AGBL4: variants seen among roughly 807,000 people sequenced by gnomAD.
AGBL4 encodes cytosolic carboxypeptidase 6.
AGBL4 carries 58 observed loss-of-function variants against 66.4 expected under a neutral mutation model. The observed-to-expected ratio is 0.87, with a 90% CI of 0.71 to 1.09. The LOEUF (loss-of-function observed/expected upper bound fraction) is 1.09. Ranked by LOEUF, AGBL4 falls within the 50% of genes least tolerant of loss-of-function variation. The pLI is 0.00. For synonymous variants in AGBL4, 234 were observed against 222.9 expected (o/e 1.05, Z -0.44); for missense variants, 579 against 631.0 (o/e 0.92, Z 0.88).
intron 3 of AGBL4, among the ~76,000 whole-genome samples, chr1:49,409,229 C>T (rs1398250694): frequency 6.6e-6 from 1 of 151,248 alleles, no homozygotes; most frequent in Non-Finnish European, 1.5e-5. Flanking sequence ...TTTGTTGCAA[C>T]CCACATATGT....
At chr1:49,743,171 T>A (rs1650680039) in intron 2 of AGBL4, among the ~76,000 whole-genome samples, 2 of 152,012 alleles carry the variant, frequency 1.3e-5, no homozygotes, top group African/African-American at 2.4e-5. Flanking sequence ...AGGGCTAACA[T>A]CCGGAATCTA....
At chr1:48,714,305 A>G (rs1647013326) in intron 6 of AGBL4, among the ~76,000 whole-genome samples, 1 of 152,118 alleles carries the variant, frequency 6.6e-6, no homozygotes, top group South Asian at 2.1e-4. Context: ...TGGCCCCTCC[A>G]CAGTGCCACC....
intron 6 of AGBL4, among the ~76,000 whole-genome samples, chr1:48,836,295 CAAA>C (rs33961883): frequency 4.4e-4 from 44 of 100,634 alleles, no homozygotes; most frequent in African/African-American, 1.2e-3. Context: ...TAAGTTTCCT[CAAA>C]AAAAAAAAAA....
chr1:49,387,133 C>T (rs1362874883), intron 3 of AGBL4, among the ~76,000 whole-genome samples: 1 of 151,802 alleles, frequency 6.6e-6, no homozygotes, highest in Non-Finnish European at 1.5e-5. Flanking sequence ...TGACCTTAGG[C>T]AAATAACTTG....
intron 3 of AGBL4, among the ~76,000 whole-genome samples, chr1:49,414,972 C>T (rs1034350684): frequency 2.0e-5 from 3 of 152,080 alleles, no homozygotes; most frequent in Non-Finnish European, 2.9e-5. Context: ...GAGGCATCAT[C>T]AAATGCTAAT....
At chr1:48,575,873 T>G (rs1018597526) in intron 11 of AGBL4, among the ~76,000 whole-genome samples, 1 of 152,192 alleles carries the variant, frequency 6.6e-6, no homozygotes, top group Non-Finnish European at 1.5e-5. Context: ...CACTCAGTTC[T>G]GCATCCCCAG....
chr1:49,098,520 G>C (rs1425031960), intron 4 of AGBL4, among the ~76,000 whole-genome samples: 1 of 152,220 alleles, frequency 6.6e-6, no homozygotes, highest in Non-Finnish European at 1.5e-5. Flanking sequence ...GGGCAAAAGT[G>C]TGGTGCAGCC....
At chr1:49,407,817 A>G (rs1645235786) in intron 3 of AGBL4, among the ~76,000 whole-genome samples, 1 of 152,244 alleles carries the variant, frequency 6.6e-6, no homozygotes, top group Non-Finnish European at 1.5e-5. Flanking sequence ...TATGAGGCAT[A>G]TCGGAAAGAG....
At chr1:49,434,979 C>T (rs1394188618) in intron 3 of AGBL4, among the ~76,000 whole-genome samples, 2 of 152,038 alleles carry the variant, frequency 1.3e-5, no homozygotes, top group Non-Finnish European at 2.9e-5. Context: ...CTTCTTTCCA[C>T]CTGGAAGTCT....
At chr1:48,977,837 A>C (rs771257633) in intron 5 of AGBL4, among the ~76,000 whole-genome samples, 1 of 152,182 alleles carries the variant, frequency 6.6e-6, no homozygotes, top group Non-Finnish European at 1.5e-5. Context: ...TTTTTAGTGC[A>C]TCTGTGCCCA....
At chr1:49,060,089 G>T (rs191056691) in intron 4 of AGBL4, among the ~76,000 whole-genome samples, 1 of 152,214 alleles carries the variant, frequency 6.6e-6, no homozygotes, top group Non-Finnish European at 1.5e-5. Flanking sequence ...GAGAGGCCAA[G>T]GGAGGAATAA....
chr1:49,062,172 C>T (rs974384581), intron 4 of AGBL4, among the ~76,000 whole-genome samples: 2 of 152,108 alleles, frequency 1.3e-5, no homozygotes, highest in African/African-American at 2.4e-5. Context: ...CAACCCCCGT[C>T]GATGGAAAAA....
At chr1:49,440,314 T>C (rs1645999168) in intron 3 of AGBL4, among the ~76,000 whole-genome samples, 1 of 152,114 alleles carries the variant, frequency 6.6e-6, no homozygotes, top group South Asian at 2.1e-4. Context: ...ATGATCCACC[T>C]GCCTCTGCCT....
In AGBL4 at chr1:49,774,396, T is replaced by C. The variant is rs148156405; in HGVS notation, c.158-76959A>G. On this transcript the variant is annotated intron_variant, in intron 2 of 13. Transcript: ENST00000371839. ...TGGCTTCCATGCTCCACAGGGGTTT[T>C]GCAATTCCCCTGGTGCTCTCCAGAA... Among the ~76,000 whole-genome samples the C allele has an allele frequency of 5.3e-3, 807 of 152,316 alleles. 6 individuals are homozygous for C. Among genetic ancestry groups the C allele is most frequent in the Middle Eastern group, 0.017 (5 of 294 alleles).
intron 4 of AGBL4, among the ~76,000 whole-genome samples, chr1:49,196,111 A>G (rs1334991628): frequency 6.6e-6 from 1 of 152,270 alleles, no homozygotes; most frequent in African/African-American, 2.4e-5. Context: ...CCTTTTTCCT[A>G]TGTAAATTAC....
chr1:49,614,081 C>A (rs1368125242), intron 3 of AGBL4, among the ~76,000 whole-genome samples: 1 of 152,084 alleles, frequency 6.6e-6, no homozygotes, highest in African/African-American at 2.4e-5. Context: ...TAAAATACAT[C>A]ATATATGCAT....
At chr1:48,636,560 C>T (rs1645671347) in intron 8 of AGBL4, among the ~76,000 whole-genome samples, 1 of 152,210 alleles carries the variant, frequency 6.6e-6, no homozygotes, top group African/African-American at 2.4e-5. Flanking sequence ...TTACCAATTG[C>T]TCTCCTTACT....
At chr1:48,531,647 G>T (rs1643907299), downstream of AGBL4, among the ~76,000 whole-genome samples, 1 of 152,158 alleles carries the variant, frequency 6.6e-6, no homozygotes, top group African/African-American at 2.4e-5. Flanking sequence ...TCCAGGAGAG[G>T]TAATAAACTT....
At chr1:49,412,508 CT>C (rs1645337652) in intron 3 of AGBL4, among the ~76,000 whole-genome samples, 1 of 152,126 alleles carries the variant, frequency 6.6e-6, no homozygotes, top group South Asian at 2.1e-4. Context: ...CAACCAGTCC[CT>C]GTATAACAGC....
Sources: gnomAD v4.1 joint callset for allele counts (sites outside exome capture counted in the v4.1 genomes callset) on GRCh38, gnomAD v4.1.1 for gene constraint, MANE v1.5 for transcripts, NCBI Gene and HGNC (gene_info 2026-07-23, HGNC 2026-07-21) for gene names.